PCDHGA8: variants seen among roughly 807,000 people sequenced by gnomAD.
PCDHGA8 encodes protocadherin gamma subfamily A, 8, also known as protocadherin gamma-A8.
A neutral mutation model predicts 59.2 loss-of-function variants in PCDHGA8; 45 were observed. That is an observed-to-expected ratio of 0.76 (90% CI 0.60 to 0.98). The LOEUF (loss-of-function observed/expected upper bound fraction) is 0.98, where lower values mean the gene tolerates loss of function less well. Ranked by LOEUF, PCDHGA8 falls within the 50% of genes least tolerant of loss-of-function variation. PCDHGA8 has a pLI of 0.00. For synonymous variants in PCDHGA8, 531 were observed against 519.0 expected, an observed-to-expected ratio of 1.02 and a Z score of -0.32; for missense variants, 1,257 against 1,196.2, an observed-to-expected ratio of 1.05 and a Z score of -0.75.
At chr5:141,404,924 G>A in intron 1 of PCDHGA8, 1 of 1,613,908 alleles carries the variant, frequency 6.2e-7, no homozygotes, top group South Asian at 1.1e-5. Flanking sequence ...CTCGGCCACT[G>A]TCACGCTCAC....
chr5:141,434,852 A>G (rs1382212982), intron 1 of PCDHGA8, among the ~76,000 whole-genome samples: 2 of 151,990 alleles, frequency 1.3e-5, no homozygotes, highest in Non-Finnish European at 2.9e-5. Context: ...AGACATCAAT[A>G]AATTTATATA....
rs368791778 is a variant in PCDHGA8, at chr5:141,409,216, T to C, written c.2424+13979T>C. The C allele has an allele frequency of 4.3e-6, 7 of 1,613,886 alleles. No homozygotes were observed. The African/African-American group carries it at 9.3e-5, about 22-fold the overall frequency. On this transcript the variant is annotated intron_variant, in intron 1 of 3. Coordinates refer to ENST00000398604, the MANE Select transcript of PCDHGA8 (RefSeq NM_032088.2). ...AGTGTAAAGTAATCATAGAAATCCT[T>C]GATGAAAACGACAACAGCCCAGAAA...
Position 141,431,948 on chromosome 5 carries a change from T to G in PCDHGA8, c.2424+36711T>G. ...AAATCTGCCCTTTAAATTAGAAAAA[T>G]CTTACGGAAATTACTATAGTTTAGT... is the stretch of plus-strand genomic sequence containing the variant. On this transcript the variant is annotated intron_variant, in intron 1 of 3. Transcript: ENST00000398604. The surrounding 1 kb of genome is among the most constrained non-coding windows in gnomAD (Gnocchi z 4.8). The G allele has an allele frequency of 6.2e-7, 1 of 1,614,076 alleles. No homozygotes were observed. The highest frequency in any genetic ancestry group is 8.5e-7 in the Non-Finnish European group (1 of 1,180,006).
At chr5:141,400,830 T>G (rs1194053653) in intron 1 of PCDHGA8, among the ~76,000 whole-genome samples, 2 of 152,244 alleles carry the variant, frequency 1.3e-5, no homozygotes, top group African/African-American at 2.4e-5. Flanking sequence ...GTTGTCTCAT[T>G]CTTTAACATG....
At chr5:141,403,831 G>T (rs1207086715) in intron 1 of PCDHGA8, 1 of 1,613,760 alleles carries the variant, frequency 6.2e-7, no homozygotes. Context: ...TGCTATTCCA[G>T]CTTAATGAAA....
chr5:141,442,818 C>A (rs553817796), intron 1 of PCDHGA8, among the ~76,000 whole-genome samples: 1 of 151,882 alleles, frequency 6.6e-6, no homozygotes, highest in Non-Finnish European at 1.5e-5. Context: ...TGTACTGATC[C>A]AAAAATAAGG....
At chr5:141,434,608 C>T (rs142418557) in intron 1 of PCDHGA8, among the ~76,000 whole-genome samples, 1,532 of 152,226 alleles carry the variant, frequency 0.01, 34 homozygotes, top group African/African-American at 0.034. Flanking sequence ...CCTTTATTTC[C>T]GCCCATCTCT....
In PCDHGA8 at chr5:141,394,168, T is replaced by G; in HGVS notation, c.1355T>G (p.Phe452Cys). 6.2e-7 allele frequency: 1 copy of G among 1,613,752 alleles called. No individual in the cohort carries two copies. The highest frequency in any genetic ancestry group is 8.5e-7 in the Non-Finnish European group (1 of 1,179,834). Residue 452 changes from phenylalanine to cysteine, a missense_variant, in exon 1 of 4, where the codon TTC (phenylalanine) becomes TGC (cysteine). Transcript: ENST00000398604. ...VADINDNPPT[F>C]PHASYSAYIL... ...GACATTAACGACAACCCTCCTACTTTCCCTCATGCCTCCTACTCAGCGTAT... is the reference window on the plus strand; with the variant it reads ...GACATTAACGACAACCCTCCTACTTGCCCTCATGCCTCCTACTCAGCGTAT...
At chr5:141,421,473 C>G (rs907282414) in intron 1 of PCDHGA8, 14 of 1,614,112 alleles carry the variant, frequency 8.7e-6, no homozygotes, top group African/African-American at 1.3e-5. Flanking sequence ...ATCCGCGAAG[C>G]GGCAGCTTGA....
At chr5:141,401,802 A>C (rs1030250595) in intron 1 of PCDHGA8, among the ~76,000 whole-genome samples, 162 of 152,148 alleles carry the variant, frequency 1.1e-3, no homozygotes, top group African/African-American at 3.7e-3. Context: ...TGATTCAGTA[A>C]ATGGGTTCCT....
chr5:141,408,806 C>A (rs1368887332), intron 1 of PCDHGA8: 2 of 1,612,894 alleles, frequency 1.2e-6, no homozygotes, highest in African/African-American at 1.3e-5. Flanking sequence ...ACTCCTAGAC[C>A]GGGAAGAACA....
chr5:141,490,288 G>T lies in PCDHGA8; in HGVS notation c.2425-4519G>T, dbSNP rs2099698282. 1.2e-6 allele frequency: 2 copies of T among 1,614,080 alleles called. No homozygotes were observed. Among genetic ancestry groups the T allele is most frequent in the South Asian group, 1.1e-5 (1 of 91,092 alleles). On this transcript the variant is annotated intron_variant, in intron 1 of 3. Transcript: ENST00000398604. This position sits in a 1 kb window ranked among gnomAD's most constrained non-coding sequence, Gnocchi z 5.4. ...GGATGTCAATGACAATGCCCCAGAG[G>T]TGCTATTGGCCTCTTTGGCCAACCC...
chr5:141,431,003 G>T lies in PCDHGA8; in HGVS notation c.2424+35766G>T, dbSNP rs2097334899. ...GCTTTTCGCCCTGAATCCGCGCAGC[G>T]GCAGCTTGGTCACGGCGGGCAGGAT... On this transcript the variant is annotated intron_variant, in intron 1 of 3. Coordinates refer to ENST00000398604, the MANE Select transcript of PCDHGA8 (RefSeq NM_032088.2). This position sits in a 1 kb window ranked among gnomAD's most constrained non-coding sequence, Gnocchi z 4.8. 1.9e-6 allele frequency: 3 copies of T among 1,613,960 alleles called. No homozygotes were observed. The highest frequency in any genetic ancestry group is 2.5e-6 in the Non-Finnish European group (3 of 1,179,982).
chr5:141,400,558 C>A, intron 1 of PCDHGA8: 1 of 1,613,290 alleles, frequency 6.2e-7, no homozygotes, highest in Non-Finnish European at 8.5e-7. Context: ...TTTTTCATTA[C>A]CCACCCAATT....
rs745457172 is a variant in PCDHGA8 at position 141,490,744 on chromosome 5, C to T, written c.2425-4063C>T. The stretch of plus-strand genomic sequence containing the variant: ...TGTAGGAAATCAGGTTCAGGGAGCC[C>T]CAGCCTCCTCCTTTGTGTATGTCAA... On this transcript the variant is annotated intron_variant, in intron 1 of 3. Coordinates refer to ENST00000398604, the MANE Select transcript of PCDHGA8 (RefSeq NM_032088.2). The surrounding 1 kb of genome is among the most constrained non-coding windows in gnomAD (Gnocchi z 5.4). 1 of 1,614,142 alleles carries T rather than the reference C, an allele frequency of 6.2e-7. No homozygotes were observed. Among genetic ancestry groups the T allele is most frequent in the Non-Finnish European group, 8.5e-7 (1 of 1,180,006 alleles).
At chr5:141,402,474 G>T (rs2094271773) in intron 1 of PCDHGA8, among the ~76,000 whole-genome samples, 1 of 152,122 alleles carries the variant, frequency 6.6e-6, no homozygotes, top group South Asian at 2.1e-4. Flanking sequence ...GAAATAGAGT[G>T]CAAAGTTCTA....
intron 1 of PCDHGA8, chr5:141,410,134 C>G (rs573769764): frequency 6.2e-7 from 1 of 1,612,766 alleles, no homozygotes; most frequent in Admixed American, 1.7e-5. Context: ...GCCTGCTGGT[C>G]GCTGTGCGTG....
chr5:141,423,230 G>C (rs1223173152), intron 1 of PCDHGA8: 1 of 1,613,872 alleles, frequency 6.2e-7, no homozygotes, highest in Admixed American at 1.7e-5. Context: ...GTGGCCGACA[G>C]CATCCCCGAA....
intron 1 of PCDHGA8, among the ~76,000 whole-genome samples, chr5:141,457,319 G>A (rs914658873): frequency 7.9e-5 from 12 of 152,086 alleles, no homozygotes; most frequent in East Asian, 3.8e-4. Flanking sequence ...AGAAACCTCC[G>A]GGTTACAGGT....
Sources: allele counts gnomAD v4.1 joint callset (sites outside exome capture counted in the v4.1 genomes callset), GRCh38; gene constraint gnomAD v4.1.1; non-coding constraint Gnocchi (gnomAD v3.1); transcripts MANE v1.5; gene names NCBI Gene and HGNC (gene_info 2026-07-23, HGNC 2026-07-21).